Variants in TMEM132D observed in about 807,000 individuals in gnomAD.
TMEM132D encodes the protein mature OL transmembrane protein.
TMEM132D carries 21 observed loss-of-function variants against 62.3 expected under a neutral mutation model. The observed-to-expected ratio is 0.34, with a 90% CI of 0.24 to 0.49. The LOEUF (loss-of-function observed/expected upper bound fraction) is 0.49. TMEM132D is among the 20% of genes least tolerant of loss of function. The pLI, the probability that TMEM132D is intolerant of heterozygous loss-of-function variation, is 0.99. For missense variants in TMEM132D, 1,346 were observed against 1,402.8 expected (o/e 0.96, Z 0.65); for synonymous variants, 621 against 575.6 (o/e 1.08, Z -1.13).
At chr12:129,864,603 G>GA (rs1434648871) in intron 1 of TMEM132D, among the ~76,000 whole-genome samples, 4 of 152,212 alleles carry the variant, frequency 2.6e-5, no homozygotes, top group Non-Finnish European at 5.9e-5. Context: ...GCCTGAGAAG[G>GA]AAGCCACTCC....
intron 3 of TMEM132D, among the ~76,000 whole-genome samples, chr12:129,505,429 G>C (rs1001040902): frequency 6.6e-6 from 1 of 152,098 alleles, no homozygotes; most frequent in Non-Finnish European, 1.5e-5. Context: ...ATTTTTAGTA[G>C]AGATGGGGTT....
intron 5 of TMEM132D, among the ~76,000 whole-genome samples, chr12:129,165,399 C>T (rs184939883): frequency 1.3e-5 from 2 of 152,128 alleles, no homozygotes; most frequent in African/African-American, 2.4e-5. Context: ...TTGAACTCTA[C>T]GTAATGATAG....
chr12:129,171,286 C>T (rs575119875), intron 5 of TMEM132D, among the ~76,000 whole-genome samples: 33 of 152,242 alleles, frequency 2.2e-4, no homozygotes, highest in African/African-American at 7.5e-4. Context: ...GCCATTCAGC[C>T]CCATCTTCAG....
chr12:129,677,365 G>A (rs1198625040), intron 2 of TMEM132D, among the ~76,000 whole-genome samples: 1 of 152,146 alleles, frequency 6.6e-6, no homozygotes, highest in African/African-American at 2.4e-5. Flanking sequence ...CCTTTGCCGT[G>A]ATCATGAGGC....
At chr12:129,254,320 G>A (rs56980369) in intron 4 of TMEM132D, among the ~76,000 whole-genome samples, 15,383 of 152,148 alleles carry the variant, frequency 0.1, 1,296 homozygotes, top group East Asian at 0.41. Context: ...TATCACATGC[G>A]TGCCCAAATA....
intron 4 of TMEM132D, among the ~76,000 whole-genome samples, chr12:129,309,005 C>T (rs1881908657): frequency 6.6e-6 from 1 of 152,230 alleles, no homozygotes; most frequent in Admixed American, 6.5e-5. Context: ...AAACGCCAAA[C>T]ACCCTTGGTC....
At chr12:129,715,679 T>G (rs1203707235) in intron 1 of TMEM132D, among the ~76,000 whole-genome samples, 1 of 152,254 alleles carries the variant, frequency 6.6e-6, no homozygotes, top group African/African-American at 2.4e-5. Flanking sequence ...TTGAATATGT[T>G]ATAACATCTG....
chr12:129,413,168 G>C (rs1162849871), intron 3 of TMEM132D, among the ~76,000 whole-genome samples: 1 of 152,132 alleles, frequency 6.6e-6, no homozygotes, highest in African/African-American at 2.4e-5. Context: ...ATCTCACCTT[G>C]AATTGTAACT....
chr12:129,635,600 G>A (rs1355854444), intron 2 of TMEM132D, among the ~76,000 whole-genome samples: 1 of 152,184 alleles, frequency 6.6e-6, no homozygotes, highest in Non-Finnish European at 1.5e-5. Flanking sequence ...GCGCTCAGGG[G>A]ACTTGTGTTC....
At chr12:129,532,583 T>C (rs946032899) in intron 2 of TMEM132D, among the ~76,000 whole-genome samples, 10 of 152,296 alleles carry the variant, frequency 6.6e-5, no homozygotes, top group Admixed American at 2.0e-4. Flanking sequence ...CTGCCCTCCT[T>C]AGGAAAGCCT....
At chr12:129,535,787 T>C (rs1001781329) in intron 2 of TMEM132D, among the ~76,000 whole-genome samples, 6 of 149,712 alleles carry the variant, frequency 4.0e-5, no homozygotes, top group African/African-American at 1.3e-4. Flanking sequence ...CGTGTGTGTG[T>C]GTGTGTGTGT....
intron 4 of TMEM132D, among the ~76,000 whole-genome samples, chr12:129,250,240 G>A (rs1472181631): frequency 6.6e-6 from 1 of 152,004 alleles, no homozygotes; most frequent in Non-Finnish European, 1.5e-5. Flanking sequence ...GAAGCCAACA[G>A]GGCAAAGGAA....
At chr12:129,102,685 A>G (rs1210637003) in intron 5 of TMEM132D, among the ~76,000 whole-genome samples, 1 of 152,220 alleles carries the variant, frequency 6.6e-6, no homozygotes, top group Non-Finnish European at 1.5e-5. Context: ...ACTTTCTCTA[A>G]GCCTAATACT....
intron 3 of TMEM132D, among the ~76,000 whole-genome samples, chr12:129,517,767 A>G (rs4759953): frequency 0.68 from 103,639 of 152,078 alleles, 37,071 homozygotes; most frequent in Non-Finnish European, 0.78. Flanking sequence ...AGGTCATTCC[A>G]AAATTAGTTT....
chr12:129,097,225 G>A (rs1351537475), intron 5 of TMEM132D, among the ~76,000 whole-genome samples: 1 of 152,224 alleles, frequency 6.6e-6, no homozygotes, highest in Non-Finnish European at 1.5e-5. Flanking sequence ...CTCTCCAGCG[G>A]TGACGACCAA....
intron 2 of TMEM132D, among the ~76,000 whole-genome samples, chr12:129,627,571 C>CT (rs921696238): frequency 7.2e-5 from 11 of 151,754 alleles, no homozygotes; most frequent in African/African-American, 1.9e-4. Flanking sequence ...AACCAGAAAC[C>CT]TTTTTTTTAG....
intron 4 of TMEM132D, among the ~76,000 whole-genome samples, chr12:129,316,006 G>T (rs1476095504): frequency 6.6e-6 from 1 of 151,866 alleles, no homozygotes. Flanking sequence ...TCATTTCTTC[G>T]TGAAGTTATT....
intron 1 of TMEM132D, among the ~76,000 whole-genome samples, chr12:129,710,267 T>C (rs1283984227): frequency 2.6e-5 from 4 of 151,920 alleles, no homozygotes; most frequent in Non-Finnish European, 5.9e-5. Context: ...CCATTATCGC[T>C]AATGGTCATT....
At chr12:129,191,172 A>G (rs1464451612) in intron 5 of TMEM132D, among the ~76,000 whole-genome samples, 7 of 152,106 alleles carry the variant, frequency 4.6e-5, no homozygotes, top group African/African-American at 1.7e-4. Context: ...CAGTTAGCCT[A>G]TGTGGAATCT....
Sources: gnomAD v4.1 joint callset for allele counts (sites outside exome capture counted in the v4.1 genomes callset) on GRCh38, gnomAD v4.1.1 for gene constraint, MANE v1.5 for transcripts, NCBI Gene and HGNC (gene_info 2026-07-23, HGNC 2026-07-21) for gene names.